CNOT1: variants seen among roughly 807,000 people sequenced by gnomAD.
CNOT1 encodes CCR4-associated factor 1.
A neutral mutation model predicts 273.8 loss-of-function variants in CNOT1; 15 were observed. That is an observed-to-expected ratio of 0.05 (90% CI 0.04 to 0.08). The LOEUF (loss-of-function observed/expected upper bound fraction) is 0.08. CNOT1 is among the 10% of genes least tolerant of loss of function. CNOT1 has a pLI of 1.00. For synonymous variants in CNOT1, 1,022 were observed against 1,005.5 expected, an observed-to-expected ratio of 1.02 and a Z score of -0.31; for missense variants, 1,644 against 2,912.2, an observed-to-expected ratio of 0.56 and a Z score of 10.02.
intron 46 of CNOT1, among the ~76,000 whole-genome samples, 174 bp downstream of exon 46, chr16:58,525,005 C>T (rs1346429005): frequency 6.6e-6 from 1 of 152,226 alleles, no homozygotes; most frequent in African/African-American, 2.4e-5. Flanking sequence ...GTATTTCCTG[C>T]ACTGAGCAGA....
intron 1 of CNOT1, among the ~76,000 whole-genome samples, chr16:58,608,589 C>A (rs577146811): frequency 1.5e-4 from 22 of 150,352 alleles, no homozygotes; most frequent in African/African-American, 4.6e-4. Context: ...GTAGAACTAT[C>A]ATTTGATCCA....
intron 39 of CNOT1, 129 bp from the exon 40 acceptor site, chr16:58,534,524 G>C (rs2039868207): frequency 9.6e-7 from 1 of 1,043,944 alleles, no homozygotes; most frequent in Non-Finnish European, 1.3e-6. Flanking sequence ...TTCTTACATT[G>C]TAATAAATGT....
At chr16:58,561,641 A>G (rs1203733994) in intron 16 of CNOT1, among the ~76,000 whole-genome samples, 1 of 152,150 alleles carries the variant, frequency 6.6e-6, no homozygotes, top group Non-Finnish European at 1.5e-5. Flanking sequence ...GAATCTGAAT[A>G]CCAAACGCTA....
intron 16 of CNOT1, among the ~76,000 whole-genome samples, chr16:58,571,450 C>T (rs572006069): frequency 6.6e-6 from 1 of 152,130 alleles, no homozygotes; most frequent in Non-Finnish European, 1.5e-5. Context: ...GTTCCAGCTA[C>T]TCCAGAGGCT....
Position 58,524,190 on chromosome 16 carries a change from T to G in CNOT1, c.6785-688A>C, listed in dbSNP as rs8049459. Reference sequence around the variant, plus strand: ...GCTTGAACCCCTGAGGCGGAAGTTATGGTGAGCCGATATTGCGCCACTGCC... The same window carrying G: ...GCTTGAACCCCTGAGGCGGAAGTTAGGGTGAGCCGATATTGCGCCACTGCC... On this transcript the variant is annotated intron_variant, in intron 46 of 48. Coordinates refer to ENST00000317147, the MANE Select transcript of CNOT1 (RefSeq NM_016284.5). Among the ~76,000 whole-genome samples the G allele has an allele frequency of 3.4e-3, 484 of 140,684 alleles. 3 individuals are homozygous for G. Among genetic ancestry groups the G allele is most frequent in the African/African-American group, 0.012 (451 of 37,100 alleles). The allele number at this position is 140,684 out of a possible 152,430, so 92.3% of individuals were successfully genotyped here.
chr16:58,526,159 G>A (rs766491411), intron 44 of CNOT1, 21 bp from the exon 45 acceptor site: 13 of 1,612,932 alleles, frequency 8.1e-6, no homozygotes, highest in Non-Finnish European at 1.1e-5. Context: ...TAAAATGCAA[G>A]AATCACAAGC....
rs909848778 is a variant in CNOT1, at chr16:58,520,829, T to C, written c.*129A>G. On this transcript the variant is annotated 3_prime_UTR_variant, in exon 49 of 49. Transcript: ENST00000317147. ...GACAGGAGGCTGATCCCAACAGTAGTTGGGGCAGATACCCACAAACCAAAG... is the reference window on the plus strand; with the variant it reads ...GACAGGAGGCTGATCCCAACAGTAGCTGGGGCAGATACCCACAAACCAAAG... 1 of 919,884 alleles carries C rather than the reference T, an allele frequency of 1.1e-6. No individual in the cohort carries two copies. Among genetic ancestry groups the C allele is most frequent in the Non-Finnish European group, 1.7e-6 (1 of 588,024 alleles). The allele number at this position is 919,884 out of a possible 1,614,324, so 57.0% of individuals were successfully genotyped here.
At chr16:58,577,624 T>C (rs1727770573) in intron 13 of CNOT1, among the ~76,000 whole-genome samples, 1 of 152,108 alleles carries the variant, frequency 6.6e-6, no homozygotes, top group South Asian at 2.1e-4. Flanking sequence ...TCTGCATGTA[T>C]CATATAATGT....
intron 36 of CNOT1, 55 bp from the exon 37 acceptor site, chr16:58,538,321 C>T (rs527700902): frequency 2.4e-6 from 2 of 823,116 alleles, no homozygotes; most frequent in East Asian, 4.9e-5. Flanking sequence ...TGTAAAAGGG[C>T]CCATTTTACT....
At chr16:58,583,653 C>T (rs1370747750) in intron 8 of CNOT1, among the ~76,000 whole-genome samples, 1 of 152,078 alleles carries the variant, frequency 6.6e-6, no homozygotes, top group Non-Finnish European at 1.5e-5. Flanking sequence ...CAACCTCTGC[C>T]TCAGCCTCCC....
intron 16 of CNOT1, among the ~76,000 whole-genome samples, chr16:58,570,763 C>G (rs893614456): frequency 3.3e-5 from 5 of 151,966 alleles, no homozygotes; most frequent in Non-Finnish European, 7.4e-5. Context: ...CCTACCGAAA[C>G]TAAAAGATTG....
intron 1 of CNOT1, among the ~76,000 whole-genome samples, chr16:58,612,253 C>G (rs892734363): frequency 6.6e-6 from 1 of 152,052 alleles, no homozygotes. Flanking sequence ...TAGGCAAGAC[C>G]CAACGCTATC....
chr16:58,569,429 C>G (rs575038006), intron 16 of CNOT1, among the ~76,000 whole-genome samples: 5 of 151,108 alleles, frequency 3.3e-5, no homozygotes, highest in African/African-American at 1.2e-4. Flanking sequence ...CCAGCCACTA[C>G]AGAACACGTT....
At chr16:58,575,642 TA>T (rs746231172) in intron 14 of CNOT1, among the ~76,000 whole-genome samples, 1 of 151,812 alleles carries the variant, frequency 6.6e-6, no homozygotes, top group Non-Finnish European at 1.5e-5. Flanking sequence ...CTACTAAAAA[TA>T]AAAAAATTAG....
At position 58,614,175 on chromosome 16, in the gene CNOT1, T is replaced by G. The variant is rs940823278; in HGVS notation, c.-174-14664A>C. Among the ~76,000 whole-genome samples the G allele has an allele frequency of 2.4e-5, 3 of 123,100 alleles. 1 individual carries two copies. Among genetic ancestry groups the G allele is most frequent in the Non-Finnish European group, 5.8e-5 (3 of 52,090 alleles). The allele number at this position is 123,100 out of a possible 152,430, so 80.8% of individuals were successfully genotyped here. ...GCTTTGCATATTCCAAGACTCTCTATGCAAAATCCCAACCTATGGAAGCCA... is the reference window on the plus strand; with the variant it reads ...GCTTTGCATATTCCAAGACTCTCTAGGCAAAATCCCAACCTATGGAAGCCA... On this transcript the variant is annotated intron_variant, in intron 1 of 48. Transcript: ENST00000317147.
At chr16:58,546,840 G>C in intron 27 of CNOT1, 91 bp from the exon 28 acceptor site, 1 of 1,495,826 alleles carries the variant, frequency 6.7e-7, no homozygotes, top group Non-Finnish European at 9.1e-7. Context: ...AGGGGGTAGG[G>C]GGGAGTCAAA....
chr16:58,627,575 A>G (rs1010894070), intron 1 of CNOT1, among the ~76,000 whole-genome samples: 1 of 152,050 alleles, frequency 6.6e-6, no homozygotes, highest in Non-Finnish European at 1.5e-5. Context: ...CTTGACTCCA[A>G]ATAAGAAGGA....
At chr16:58,585,597 C>T in intron 7 of CNOT1, 91 bp from the exon 8 acceptor site, 1 of 1,488,850 alleles carries the variant, frequency 6.7e-7, no homozygotes, top group South Asian at 1.4e-5. Context: ...ACCCAATTCT[C>T]TCACAAGTTC....
At position 58,629,779 on chromosome 16, in the gene CNOT1, C is replaced by G. The variant is rs1452201605; in HGVS notation, c.-226G>C. 6.6e-6 allele frequency: 1 copy of G among 152,440 alleles called. No homozygotes were observed. The highest frequency in any genetic ancestry group is 6.5e-5 in the Admixed American group (1 of 15,290). 9.4% of individuals were successfully genotyped at this position (152,440 alleles called of 1,614,324 possible). On this transcript the variant is annotated 5_prime_UTR_variant, in exon 1 of 49. Coordinates refer to ENST00000317147, the MANE Select transcript of CNOT1 (RefSeq NM_016284.5). ...ACAGGAAACTCCTGGGTCCCCGACTCCGGCTCTCCTCGACCCCCTCTTCGG... is the reference window on the plus strand; with the variant it reads ...ACAGGAAACTCCTGGGTCCCCGACTGCGGCTCTCCTCGACCCCCTCTTCGG...
Sources: gnomAD v4.1 joint callset for allele counts (sites outside exome capture counted in the v4.1 genomes callset) on GRCh38, gnomAD v4.1.1 for gene constraint, MANE v1.5 for transcripts, NCBI Gene and HGNC (gene_info 2026-07-23, HGNC 2026-07-21) for gene names.